The following NRF1 variants were observed in gnomAD, a reference collection of about 807,000 sequenced individuals.
NRF1 encodes alpha palindromic-binding protein.
Under a neutral mutation model 58.5 loss-of-function variants are expected in NRF1, and 5 were observed. That is an observed-to-expected ratio of 0.09 (90% CI 0.04 to 0.18). The LOEUF is 0.18. Among genes scored for constraint, NRF1 ranks in the 10% least tolerant of loss-of-function variants. NRF1 has a pLI of 1.00. For missense variants in NRF1, 288 were observed against 657.7 expected, an observed-to-expected ratio of 0.44 and a Z score of 6.15; for synonymous variants, 224 against 246.7, an observed-to-expected ratio of 0.91 and a Z score of 0.86.
At chr7:129,722,507 C>T (rs748247551) in intron 9 of NRF1, among the ~76,000 whole-genome samples, 5 of 152,084 alleles carry the variant, frequency 3.3e-5, no homozygotes, top group South Asian at 2.1e-4. Context: ...TAGGCATCAT[C>T]GTTGTCTTCA....
At chr7:129,692,720 T>C (rs1449094821) in intron 5 of NRF1, among the ~76,000 whole-genome samples, 1 of 152,208 alleles carries the variant, frequency 6.6e-6, no homozygotes, top group Non-Finnish European at 1.5e-5. Flanking sequence ...GACCTCTTCC[T>C]GCCTCATCAT....
At chr7:129,623,647 G>C (rs1584582121) in intron 1 of NRF1, among the ~76,000 whole-genome samples, 1 of 152,010 alleles carries the variant, frequency 6.6e-6, no homozygotes, top group African/African-American at 2.4e-5. Context: ...TCTGGTAACT[G>C]ATTTGTTTTT....
chr7:129,721,762 T>A (rs1803332527), intron 9 of NRF1, among the ~76,000 whole-genome samples: 1 of 152,214 alleles, frequency 6.6e-6, no homozygotes, highest in Non-Finnish European at 1.5e-5. Context: ...ATTACAGGCA[T>A]GAGCCACCAG....
At chr7:129,717,440 G>A in intron 9 of NRF1, 64 bp downstream of exon 9, 17 of 1,499,808 alleles carry the variant, frequency 1.1e-5, no homozygotes, top group Non-Finnish European at 1.4e-5. Flanking sequence ...ATGGGTGGAG[G>A]CCCCTTAAAG....
chr7:129,628,295 C>T (rs898647455), intron 1 of NRF1, among the ~76,000 whole-genome samples: 10 of 151,582 alleles, frequency 6.6e-5, no homozygotes, highest in South Asian at 2.1e-4. Flanking sequence ...CTGCCCGTCT[C>T]GGTGGTTCTT....
intron 1 of NRF1, among the ~76,000 whole-genome samples, chr7:129,616,559 A>G (rs577132302): frequency 1.3e-5 from 2 of 152,318 alleles, no homozygotes; most frequent in African/African-American, 2.4e-5. Context: ...TAATCATGCC[A>G]TTGTGTTCCT....
At chr7:129,691,683 A>G (rs1262807439) in intron 5 of NRF1, among the ~76,000 whole-genome samples, 3 of 152,014 alleles carry the variant, frequency 2.0e-5, no homozygotes, top group East Asian at 3.9e-4. Flanking sequence ...ATTTACTTCT[A>G]TCTTGCTAAA....
At chr7:129,656,064 A>C (rs529518288) in intron 1 of NRF1, among the ~76,000 whole-genome samples, 11 of 152,070 alleles carry the variant, frequency 7.2e-5, no homozygotes, top group Non-Finnish European at 1.3e-4. Flanking sequence ...TGCTATGAAC[A>C]TGGGTGTACA....
At chr7:129,753,202 GCC>G (rs1804165114) in intron 10 of NRF1, among the ~76,000 whole-genome samples, 1 of 152,086 alleles carries the variant, frequency 6.6e-6, no homozygotes, top group African/African-American at 2.4e-5. Context: ...CATCAAAGTA[GCC>G]TATGGTTTAA....
chr7:129,747,591 A>G (rs1718046491), intron 10 of NRF1, among the ~76,000 whole-genome samples: 1 of 152,166 alleles, frequency 6.6e-6, no homozygotes. Context: ...ATAGATTTTA[A>G]TGTGTCATCC....
chr7:129,732,169 T>G (rs978391574), intron 10 of NRF1, among the ~76,000 whole-genome samples: 4 of 152,108 alleles, frequency 2.6e-5, no homozygotes, highest in Admixed American at 1.3e-4. Flanking sequence ...TTGGCAAGCC[T>G]CAGAAAACCA....
At position 129,719,659 on chromosome 7, in the gene NRF1, T is replaced by C. The variant is rs560010956; in HGVS notation, c.1223+2283T>C. On this transcript the variant is annotated intron_variant, in intron 9 of 10. Coordinates refer to ENST00000393232, the MANE Select transcript of NRF1 (RefSeq NM_005011.5). ...TTTCTTTTTTTCCCCCACTCACGTA[T>C]ATACTCATCATGTTGCTTTTCAGTA... 2.2e-4 allele frequency among the ~76,000 whole-genome samples: 34 copies of C among 152,208 alleles called. No individual in the cohort carries two copies. The East Asian group carries it at 4.2e-3, about 19-fold the overall frequency.
At chr7:129,714,856 T>C (rs1803152043) in intron 8 of NRF1, among the ~76,000 whole-genome samples, 1 of 152,190 alleles carries the variant, frequency 6.6e-6, no homozygotes, top group African/African-American at 2.4e-5. Context: ...TGGAGCACTT[T>C]CTTTGGGACA....
At chr7:129,691,696 C>T (rs1354788715) in intron 5 of NRF1, among the ~76,000 whole-genome samples, 2 of 152,118 alleles carry the variant, frequency 1.3e-5, no homozygotes, top group African/African-American at 4.8e-5. Flanking sequence ...TTGCTAAATC[C>T]ACTTGTCAGG....
At chr7:129,676,004 G>A (rs1034866397) in intron 3 of NRF1, among the ~76,000 whole-genome samples, 12 of 152,166 alleles carry the variant, frequency 7.9e-5, no homozygotes, top group Non-Finnish European at 1.8e-4. Flanking sequence ...TGGATAACTT[G>A]CTCCAGCTTC....
chr7:129,737,475 A>G (rs1803743651), intron 10 of NRF1, among the ~76,000 whole-genome samples: 1 of 152,118 alleles, frequency 6.6e-6, no homozygotes, highest in African/African-American at 2.4e-5. Context: ...ACCATCATCC[A>G]TTTTTACTTA....
intron 3 of NRF1, among the ~76,000 whole-genome samples, chr7:129,673,925 A>C (rs964000718): frequency 6.6e-6 from 1 of 152,070 alleles, no homozygotes; most frequent in East Asian, 1.9e-4. Flanking sequence ...GGATCACCTG[A>C]GGTCGGGAGT....
At chr7:129,751,306 C>G (rs1804109938) in intron 10 of NRF1, among the ~76,000 whole-genome samples, 1 of 152,222 alleles carries the variant, frequency 6.6e-6, no homozygotes, top group Non-Finnish European at 1.5e-5. Flanking sequence ...GGGGTTTGGA[C>G]TTTATATCCC....
At chr7:129,637,742 C>T (rs1801198876) in intron 1 of NRF1, among the ~76,000 whole-genome samples, 1 of 152,124 alleles carries the variant, frequency 6.6e-6, no homozygotes, top group Non-Finnish European at 1.5e-5. Flanking sequence ...TCTATTTCAT[C>T]CTTTAAGACA....
Sources: allele counts gnomAD v4.1 joint callset (sites outside exome capture counted in the v4.1 genomes callset), GRCh38; gene constraint gnomAD v4.1.1; transcripts MANE v1.5; gene names NCBI Gene and HGNC (gene_info 2026-07-23, HGNC 2026-07-21).